Variants in DCC observed in about 807,000 individuals in gnomAD.
DCC encodes netrin receptor DCC.
In DCC, 58 loss-of-function variants were observed where a neutral mutation model predicts 172.5. The ratio of observed to expected loss-of-function variants is 0.34; its 90% CI spans 0.27 to 0.42. DCC has a LOEUF of 0.42. DCC is among the 10% of genes least tolerant of loss of function. The probability of loss-of-function intolerance (pLI) is 1.00; values close to 1 mark genes in which losing one functional copy is unlikely to be tolerated. For missense variants in DCC, 1,740 were observed against 1,791.0 expected, an observed-to-expected ratio of 0.97 and a Z score of 0.51; for synonymous variants, 709 against 644.5, an observed-to-expected ratio of 1.10 and a Z score of -1.52.
At chr18:52,840,982 A>G (rs1415181599) in intron 2 of DCC, among the ~76,000 whole-genome samples, 1 of 152,100 alleles carries the variant, frequency 6.6e-6, no homozygotes, top group Non-Finnish European at 1.5e-5. Flanking sequence ...AAAGCAGGAA[A>G]ATATGATACA....
At chr18:52,728,242 A>G (rs569408551) in intron 1 of DCC, among the ~76,000 whole-genome samples, 1 of 152,254 alleles carries the variant, frequency 6.6e-6, no homozygotes, top group South Asian at 2.1e-4. Flanking sequence ...AAGAGATAAT[A>G]AGCTACTAAA....
chr18:52,570,026 G>A (rs2033255510), intron 1 of DCC, among the ~76,000 whole-genome samples: 1 of 152,280 alleles, frequency 6.6e-6, no homozygotes, highest in South Asian at 2.1e-4. Flanking sequence ...TGGGATCCTA[G>A]TATGAGTGAA....
intron 1 of DCC, among the ~76,000 whole-genome samples, chr18:52,364,700 T>C (rs1984766216): frequency 6.6e-6 from 1 of 152,242 alleles, no homozygotes; most frequent in African/African-American, 2.4e-5. Context: ...AACTTTCTGT[T>C]CTACTCTTCT....
At chr18:53,210,765 G>A (rs1201068314) in intron 11 of DCC, among the ~76,000 whole-genome samples, 2 of 151,994 alleles carry the variant, frequency 1.3e-5, no homozygotes, top group Admixed American at 1.3e-4. Flanking sequence ...CAAAAGTTAA[G>A]TGTAAATACA....
chr18:53,258,161 A>G (rs2056546520), intron 12 of DCC, among the ~76,000 whole-genome samples: 2 of 152,090 alleles, frequency 1.3e-5, no homozygotes, highest in African/African-American at 2.4e-5. Context: ...TCAAAAAACC[A>G]GCTCCTGGAA....
chr18:52,869,929 G>C (rs1287886630), intron 2 of DCC, among the ~76,000 whole-genome samples: 1 of 152,176 alleles, frequency 6.6e-6, no homozygotes, highest in African/African-American at 2.4e-5. Context: ...AGACACCTGG[G>C]TCCTGCGACA....
chr18:52,866,833 C>A (rs2039236286), intron 2 of DCC, among the ~76,000 whole-genome samples: 1 of 152,088 alleles, frequency 6.6e-6, no homozygotes, highest in South Asian at 2.1e-4. Flanking sequence ...TGCAAACAGA[C>A]AATTTGCTTC....
At chr18:53,303,644 A>G (rs968819433) in intron 12 of DCC, among the ~76,000 whole-genome samples, 1 of 152,102 alleles carries the variant, frequency 6.6e-6, no homozygotes, top group African/African-American at 2.4e-5. Flanking sequence ...CAAACCCCTT[A>G]TGGGACAGGG....
chr18:53,209,493 C>A (rs2055712463), intron 11 of DCC, among the ~76,000 whole-genome samples: 1 of 152,090 alleles, frequency 6.6e-6, no homozygotes, highest in South Asian at 2.1e-4. Context: ...ACAGATCTAT[C>A]ATTGTTTATT....
At chr18:53,293,990 G>A (rs564297971) in intron 12 of DCC, among the ~76,000 whole-genome samples, 19 of 152,248 alleles carry the variant, frequency 1.2e-4, no homozygotes, top group Admixed American at 7.2e-4. Context: ...TAATTTACTG[G>A]TTCAAGTCTC....
chr18:52,403,622 C>A (rs1160438604), intron 1 of DCC, among the ~76,000 whole-genome samples: 1 of 151,914 alleles, frequency 6.6e-6, no homozygotes, highest in Non-Finnish European at 1.5e-5. Context: ...CTATGAAAAA[C>A]TAATGCAGAG....
At chr18:52,551,430 C>G (rs7240443) in intron 1 of DCC, among the ~76,000 whole-genome samples, 1 of 151,768 alleles carries the variant, frequency 6.6e-6, no homozygotes, top group Non-Finnish European at 1.5e-5. Context: ...TGACGCTCTA[C>G]CATAGCTTGT....
intron 5 of DCC, among the ~76,000 whole-genome samples, chr18:53,056,121 G>T (rs1291340846): frequency 6.6e-6 from 1 of 152,076 alleles, no homozygotes; most frequent in East Asian, 1.9e-4. Context: ...AACTTATAAA[G>T]AAAAGAATGT....
At chr18:52,753,914 T>C (rs527940634) in intron 2 of DCC, among the ~76,000 whole-genome samples, 1 of 152,322 alleles carries the variant, frequency 6.6e-6, no homozygotes, top group African/African-American at 2.4e-5. Context: ...TTTTAACTTT[T>C]ATATTGACCA....
intron 27 of DCC, among the ~76,000 whole-genome samples, chr18:53,502,537 C>A (rs2046115488): frequency 6.7e-6 from 1 of 149,434 alleles, no homozygotes; most frequent in African/African-American, 2.6e-5. Flanking sequence ...ATACTTAGAG[C>A]TTTCAACAAG....
At chr18:53,177,564 C>A (rs1466882843) in intron 8 of DCC, among the ~76,000 whole-genome samples, 1 of 152,088 alleles carries the variant, frequency 6.6e-6, no homozygotes, top group Non-Finnish European at 1.5e-5. Context: ...CAGCTCTTCT[C>A]TAGAATTATT....
chr18:52,651,499 CTTT>C (rs202034422), intron 1 of DCC, among the ~76,000 whole-genome samples: 5 of 135,144 alleles, frequency 3.7e-5, no homozygotes, highest in Non-Finnish European at 4.8e-5. Flanking sequence ...TTTTTAAAAT[CTTT>C]TTTTTTTTTT....
intron 1 of DCC, among the ~76,000 whole-genome samples, chr18:52,430,390 A>T (rs1987581976): frequency 7.6e-6 from 1 of 131,562 alleles, no homozygotes; most frequent in Non-Finnish European, 1.8e-5. Flanking sequence ...CTTTTACAGT[A>T]CAAGAAAAAA....
chr18:52,520,886 A>G (rs759751553), intron 1 of DCC, among the ~76,000 whole-genome samples: 1 of 152,200 alleles, frequency 6.6e-6, no homozygotes, highest in Non-Finnish European at 1.5e-5. Flanking sequence ...TGCTGTGGTC[A>G]AAACCTGTAA....
Sources: allele counts gnomAD v4.1 joint callset (sites outside exome capture counted in the v4.1 genomes callset), GRCh38; gene constraint gnomAD v4.1.1; transcripts MANE v1.5; gene names NCBI Gene and HGNC (gene_info 2026-07-23, HGNC 2026-07-21).